WDR48: variants seen among roughly 807,000 people sequenced by gnomAD.
WDR48 encodes the protein WD repeat domain 48, also known as WD repeat-containing protein 48.
A neutral mutation model predicts 94.0 loss-of-function variants in WDR48; 22 were observed. The ratio of observed to expected loss-of-function variants is 0.23; its 90% CI spans 0.17 to 0.33. WDR48 has a LOEUF of 0.33. Among genes scored for constraint, WDR48 ranks in the 10% least tolerant of loss-of-function variants. The pLI, the probability that WDR48 is intolerant of heterozygous loss-of-function variation, is 1.00. For synonymous variants in WDR48, 278 were observed against 280.5 expected, an observed-to-expected ratio of 0.99 and a Z score of 0.09; for missense variants, 541 against 813.8, an observed-to-expected ratio of 0.66 and a Z score of 4.08.
In WDR48 at chr3:39,066,841, A is replaced by C. The variant is rs532082063; in HGVS notation, c.447A>C (p.Leu149=). The change falls in exon 5 of 19, where the codon CTA becomes CTC. Residue 149 remains leucine (L), a synonymous_variant. Transcript: ENST00000302313. The stretch of plus-strand genomic sequence containing the variant: ...TATTCCTTTGGGATGTGAATACTCT[A>C]ACAGCATTGACTGCCTCAAATAACA... ...RQIFLWDVNT[L]TALTASNNTV... The C allele has an allele frequency of 1.2e-6, 2 of 1,613,988 alleles. No homozygotes were observed. Among genetic ancestry groups the C allele is most frequent in the Non-Finnish European group, 1.7e-6 (2 of 1,179,906 alleles).
chr3:39,052,041 C>T lies in WDR48; in HGVS notation c.16C>T (p.Arg6Trp). The change falls in exon 1 of 19, where the codon CGG becomes TGG. Residue 6 changes from arginine (R) to tryptophan (W), a missense_variant. Arg to Trp is a moderately radical substitution (Grantham distance 101). This residue lies in a region of WDR48 where 90 missense variants were observed against 122.3 expected (regional missense o/e 0.74). Coordinates refer to ENST00000302313, the MANE Select transcript of WDR48 (RefSeq NM_020839.4). The part of the protein sequence containing the change: MAAHH[R>W]QNTAGRRKVQ... ...AACATGCAAGATGGCGGCCCATCACCGGCAGAACACAGCAGGGCGGAGGAA... is the reference window on the plus strand; with the variant it reads ...AACATGCAAGATGGCGGCCCATCACTGGCAGAACACAGCAGGGCGGAGGAA... 1 of 1,613,946 alleles carries T rather than the reference C, an allele frequency of 6.2e-7. No homozygotes were observed. The highest frequency in any genetic ancestry group is 8.5e-7 in the Non-Finnish European group (1 of 1,179,974).
At position 39,094,069 on chromosome 3, in the gene WDR48, A is replaced by C. The variant is rs756020390; in HGVS notation, c.1938+3A>C. 6.2e-7 allele frequency: 1 copy of C among 1,609,836 alleles called. No individual in the cohort carries two copies. Among genetic ancestry groups the C allele is most frequent in the Non-Finnish European group, 8.5e-7 (1 of 1,178,736 alleles). ...TTGAACTTTTGTGCCAGGACCAGGT[A>C]AGTGGACTTGAGGACTACAGCCCCA... On this transcript the variant is annotated splice_donor_region_variant and intron_variant, in intron 18 of 18. Transcript: ENST00000302313.
intron 7 of WDR48, among the ~76,000 whole-genome samples, chr3:39,074,167 A>G (rs573944035): frequency 1.4e-4 from 21 of 152,326 alleles, no homozygotes; most frequent in African/African-American, 4.6e-4. Flanking sequence ...TTCAAACTCT[A>G]TCTCCCTTAG....
intron 5 of WDR48, 121 bp downstream of exon 5, chr3:39,066,996 C>T (rs1338873572): frequency 5.0e-6 from 6 of 1,191,014 alleles, no homozygotes; most frequent in Non-Finnish European, 7.0e-6. Flanking sequence ...GAGAGTGCTT[C>T]TACCTACAGC....
Position 39,084,246 on chromosome 3 carries a change from T to C in WDR48, c.1265T>C (p.Val422Ala). 1 of 1,609,818 alleles carries C rather than the reference T, an allele frequency of 6.2e-7. No homozygotes were observed. Among genetic ancestry groups the C allele is most frequent in the Non-Finnish European group, 8.5e-7 (1 of 1,177,240 alleles). The change falls in exon 12 of 19, where the codon GTA becomes GCA. Residue 422 changes from valine (V) to alanine (A), a missense_variant. Physicochemically the swap from Val to Ala is moderately conservative, Grantham distance 64. This residue lies in a region of WDR48 where 238 missense variants were observed against 285.3 expected (regional missense o/e 0.83). Transcript: ENST00000302313. Reference sequence around the variant, plus strand: ...GTGTATGTGCCAAATTGGTTCTCAGTAGACTTAAAAACAGGGGTAAGTTAG... The same window carrying C: ...GTGTATGTGCCAAATTGGTTCTCAGCAGACTTAAAAACAGGGGTAAGTTAG... ...KMVYVPNWFSVDLKTGMLTIT... is the reference protein window; with the variant it reads ...KMVYVPNWFSADLKTGMLTIT...
rs1197256810 is a variant in WDR48, at chr3:39,066,553, T to C, written c.274T>C (p.Ser92Pro). ...VLCCNGKTLI[S>P]ASSDTTVKVW... ...TAATTCTTTGCTTCTTCTAGTAATA[T>C]CTGCTTCTTCTGACACGACAGTAAA... The change falls in exon 4 of 19, where the codon TCT becomes CCT. Residue 92 changes from serine to proline, a missense_variant. Around this residue, in one of 5 missense-constraint regions of WDR48, gnomAD observed 90 missense variants for 122.3 expected, o/e 0.74. Transcript: ENST00000302313. The C allele has an allele frequency of 1.2e-6, 2 of 1,613,446 alleles. No homozygotes were observed. The highest frequency in any genetic ancestry group is 1.7e-6 in the Non-Finnish European group (2 of 1,179,824).
intron 17 of WDR48, among the ~76,000 whole-genome samples, chr3:39,093,403 C>T (rs1452416011): frequency 2.0e-5 from 3 of 152,294 alleles, no homozygotes; most frequent in Middle Eastern, 3.4e-3. Context: ...CTCACTCTGT[C>T]GCCCAGGCTA....
Position 39,065,413 on chromosome 3 carries a change from G to T in WDR48, c.190-398G>T, listed in dbSNP as rs978387927. Among the ~76,000 whole-genome samples, 3 of 152,260 alleles carry T rather than the reference G, an allele frequency of 2.0e-5. No homozygotes were observed. In the East Asian group the frequency reaches 5.8e-4, roughly 29 times the overall value. On this transcript the variant is annotated intron_variant, in intron 2 of 18. Transcript: ENST00000302313. The stretch of plus-strand genomic sequence containing the variant: ...CTCATTGCTGCCCCTGCTGTCTGCT[G>T]TTGAGCCTTCACCACCACTCATTCA...
intron 18 of WDR48, 107 bp downstream of exon 18, chr3:39,094,173 G>A (rs768886346): frequency 2.7e-5 from 40 of 1,486,154 alleles, no homozygotes; most frequent in African/African-American, 8.5e-5. Context: ...GCTCTAAGGA[G>A]CCCTGGGCCT....
chr3:39,052,219 C>T, intron 1 of WDR48, 146 bp downstream of exon 1: 2 of 941,058 alleles, frequency 2.1e-6, no homozygotes, highest in South Asian at 1.7e-5. Flanking sequence ...GGGGTGGGGC[C>T]GCGGCGCTAA....
intron 9 of WDR48, among the ~76,000 whole-genome samples, chr3:39,077,428 G>A (rs1035120624): frequency 2.0e-5 from 3 of 152,156 alleles, no homozygotes; most frequent in Non-Finnish European, 2.9e-5. Flanking sequence ...TTCTTTGTCT[G>A]GAGCCAAGAT....
At position 39,095,301 on chromosome 3, in the gene WDR48, A is replaced by C. The variant is rs750675177; in HGVS notation, c.*558A>C. The C allele has an allele frequency of 7.8e-5, 12 of 154,228 alleles. No individual in the cohort carries two copies. The highest frequency in any genetic ancestry group is 2.0e-4 in the South Asian group (1 of 4,914). The allele number at this position is 154,228 out of a possible 1,614,324, so 9.6% of individuals were successfully genotyped here. ...TTGAGAACCAGCCCATTTCATAATA[A>C]AAGATTAATGTTGGGCTTGTTGTTA... On this transcript the variant is annotated 3_prime_UTR_variant, in exon 19 of 19. Transcript: ENST00000302313.
Position 39,094,684 on chromosome 3 carries a change from C to T in WDR48, c.1975C>T (p.His659Tyr). The T allele has an allele frequency of 2.5e-6, 4 of 1,614,164 alleles. No homozygotes were observed. Among genetic ancestry groups the T allele is most frequent in the Non-Finnish European group, 3.4e-6 (4 of 1,180,028 alleles). ...AAATATGGACCTTCGAACAGTGAAA[C>T]ACTTCATATGGAAGAGCGGTGGAGA... Reference protein sequence around the residue: ...DPNMDLRTVKHFIWKSGGDLT... With the variant: ...DPNMDLRTVKYFIWKSGGDLT... The change falls in exon 19 of 19, where the codon CAC becomes TAC. Residue 659 changes from histidine (H) to tyrosine (Y), a missense_variant. His to Tyr is a moderately conservative substitution (Grantham distance 83). This residue lies in a region of WDR48 where 109 missense variants were observed against 195.5 expected (regional missense o/e 0.56). Coordinates refer to ENST00000302313, the MANE Select transcript of WDR48 (RefSeq NM_020839.4).
At chr3:39,075,648 G>A (rs917942508) in intron 8 of WDR48, among the ~76,000 whole-genome samples, 2 of 152,022 alleles carry the variant, frequency 1.3e-5, no homozygotes, top group Admixed American at 6.6e-5. Flanking sequence ...CAACCTCACC[G>A]ATAGTCACAG....
intron 1 of WDR48, among the ~76,000 whole-genome samples, chr3:39,054,623 A>G (rs180723919): frequency 1.2e-3 from 181 of 152,376 alleles, no homozygotes; most frequent in Non-Finnish European, 2.0e-3. Flanking sequence ...CTAAAAATAT[A>G]TTCTACAAAA....
At chr3:39,084,855 T>C (rs1355591319) in intron 13 of WDR48, 114 bp downstream of exon 13, 1 of 790,466 alleles carries the variant, frequency 1.3e-6, no homozygotes, top group Non-Finnish European at 2.0e-6. Context: ...GTTGACTATG[T>C]CCTAAAAATG....
chr3:39,092,108 G>A (rs2035103547), intron 17 of WDR48, among the ~76,000 whole-genome samples: 1 of 152,190 alleles, frequency 6.6e-6, no homozygotes, highest in Admixed American at 6.5e-5. Context: ...GAAGTTTGAG[G>A]CTGCAGTGAG....
At chr3:39,091,504 A>G in intron 16 of WDR48, 121 bp from the exon 17 acceptor site, 1 of 787,672 alleles carries the variant, frequency 1.3e-6, no homozygotes, top group Non-Finnish European at 1.9e-6. Context: ...TATACATTTC[A>G]TAGAAAGTCA....
At chr3:39,059,483 A>G (rs1484016437) in intron 1 of WDR48, among the ~76,000 whole-genome samples, 2 of 152,230 alleles carry the variant, frequency 1.3e-5, no homozygotes, top group Non-Finnish European at 2.9e-5. Flanking sequence ...GCCATTGGAA[A>G]GTTTCAGCAG....
Sources: allele counts gnomAD v4.1 joint callset (sites outside exome capture counted in the v4.1 genomes callset), GRCh38; gene constraint gnomAD v4.1.1; regional missense constraint gnomAD v4.1.1; transcripts MANE v1.5; gene names NCBI Gene and HGNC (gene_info 2026-07-23, HGNC 2026-07-21).